LAMA2: variants seen among roughly 807,000 people sequenced by gnomAD.
LAMA2 encodes the protein laminin subunit alpha-2.
Under a neutral mutation model 364.8 loss-of-function variants are expected in LAMA2, and 269 were observed. That is an observed-to-expected ratio of 0.74 (90% CI 0.67 to 0.82). The LOEUF is 0.82. LAMA2 is among the 40% of genes least tolerant of loss of function. LAMA2 has a pLI of 0.00. For synonymous variants in LAMA2, 1,379 were observed against 1,370.6 expected (o/e 1.01, Z -0.14); for missense variants, 3,807 against 3,873.2 (o/e 0.98, Z 0.45).
chr6:129,481,550 A>G, intron 55 of LAMA2, 111 bp downstream of exon 55: 1 of 916,588 alleles, frequency 1.1e-6, no homozygotes. Context: ...CATCTTGGCT[A>G]GCAAGGACTG....
At chr6:129,456,029 A>G (rs1782945338) in intron 47 of LAMA2, among the ~76,000 whole-genome samples, 2 of 152,172 alleles carry the variant, frequency 1.3e-5, no homozygotes, top group East Asian at 1.9e-4. Flanking sequence ...CACTTAACCA[A>G]TAGCAATTCC....
intron 62 of LAMA2, among the ~76,000 whole-genome samples, chr6:129,510,718 G>A (rs1210220947): frequency 1.3e-5 from 2 of 151,980 alleles, no homozygotes; most frequent in Non-Finnish European, 2.9e-5. Flanking sequence ...ATCAGGAAAC[G>A]TTTCATGGAG....
chr6:129,110,894 A>G (rs1038147109), intron 4 of LAMA2, among the ~76,000 whole-genome samples: 16 of 150,366 alleles, frequency 1.1e-4, no homozygotes, highest in Non-Finnish European at 1.8e-4. Flanking sequence ...ACTCGGAAAA[A>G]CCCAAGGGTG....
At chr6:129,451,142 C>G (rs59883596) in intron 45 of LAMA2, among the ~76,000 whole-genome samples, 2,086 of 152,236 alleles carry the variant, frequency 0.014, 54 homozygotes, top group African/African-American at 0.048. Flanking sequence ...TTGCCAAGTC[C>G]CATTGCTCAT....
intron 2 of LAMA2, among the ~76,000 whole-genome samples, chr6:129,056,497 T>C (rs1582956427): frequency 2.0e-5 from 3 of 152,132 alleles, no homozygotes; most frequent in African/African-American, 7.2e-5. Context: ...AGCTGTTAAG[T>C]TGAATTAAAA....
intron 1 of LAMA2, among the ~76,000 whole-genome samples, chr6:128,994,509 C>G (rs934880877): frequency 6.6e-6 from 1 of 152,076 alleles, no homozygotes; most frequent in Non-Finnish European, 1.5e-5. Context: ...TTGTATTATC[C>G]TCATTAGATT....
chr6:129,360,838 G>A (rs1402599512), intron 32 of LAMA2, among the ~76,000 whole-genome samples: 1 of 152,128 alleles, frequency 6.6e-6, no homozygotes, highest in Non-Finnish European at 1.5e-5. Context: ...GTACACCGTA[G>A]CATATTACAG....
In LAMA2 at chr6:129,287,908, T is replaced by C; in HGVS notation, c.2599T>C (p.Cys867Arg). Residue 867 changes from cysteine to arginine, a missense_variant, in exon 19 of 65, where the codon TGC becomes CGC. Cys to Arg is a radical substitution (Grantham distance 180). This residue lies in a region of LAMA2 where 3,333 missense variants were observed against 3,345.7 expected (regional missense o/e 1.00). Transcript: ENST00000421865. The stretch of plus-strand genomic sequence containing the variant: ...TGGAGGATCATGTCAGCCATGCCAA[T>C]GCAATGACAACCTTGACTTCTCCAT... ...VPGGSCQPCQ[C>R]NDNLDFSIPG... 6.2e-7 allele frequency: 1 copy of C among 1,614,096 alleles called. No homozygotes were observed. Among genetic ancestry groups the C allele is most frequent in the Non-Finnish European group, 8.5e-7 (1 of 1,179,966 alleles).
At position 129,206,102 on chromosome 6, in the gene LAMA2, GAGGGAGGAAGGAAGGA is replaced by G. The variant is rs762000248; in HGVS notation, c.1782+13253_1782+13268del. Among the ~76,000 whole-genome samples the G allele has an allele frequency of 6.5e-3, 658 of 101,800 alleles. 6 individuals carry two copies. The highest frequency in any genetic ancestry group is 7.8e-3 in the Non-Finnish European group (418 of 53,522). The allele number at this position is 101,800 out of a possible 152,430, so 66.8% of individuals were successfully genotyped here. On this transcript the variant is annotated intron_variant, in intron 12 of 64. Transcript: ENST00000421865. ...GAAAGGAGGAAGGAAGGGAGGGAGG[GAGGGAGGAAGGAAGGA>G]AGGAAGGAAGGAAGGAAGGAAGGAA...
chr6:129,283,955 G>T (rs1255602385), intron 18 of LAMA2, among the ~76,000 whole-genome samples: 3 of 152,060 alleles, frequency 2.0e-5, no homozygotes, highest in African/African-American at 7.2e-5. Flanking sequence ...CTCATATGTG[G>T]TTGTGCAGTT....
At chr6:128,959,075 G>C (rs1035834795) in intron 1 of LAMA2, among the ~76,000 whole-genome samples, 1 of 152,118 alleles carries the variant, frequency 6.6e-6, no homozygotes, top group Non-Finnish European at 1.5e-5. Flanking sequence ...GGTGCACTGT[G>C]TCTCTCTTTT....
intron 37 of LAMA2, among the ~76,000 whole-genome samples, chr6:129,399,348 G>T (rs925107071): frequency 6.6e-6 from 1 of 152,176 alleles, no homozygotes; most frequent in Non-Finnish European, 1.5e-5. Flanking sequence ...ATCATGTGGG[G>T]TTCTTGTTAA....
At chr6:129,087,411 A>C (rs1774446743) in intron 3 of LAMA2, among the ~76,000 whole-genome samples, 1 of 152,190 alleles carries the variant, frequency 6.6e-6, no homozygotes, top group Non-Finnish European at 1.5e-5. Flanking sequence ...GAACCACAGC[A>C]GGGGCGCACA....
intron 36 of LAMA2, 38 bp downstream of exon 36, chr6:129,391,691 T>C (rs1276388160): frequency 1.3e-6 from 2 of 1,564,160 alleles, no homozygotes; most frequent in African/African-American, 1.4e-5. Context: ...TTTGACAAAC[T>C]GAGATTTCCA....
At chr6:129,472,210 T>A (rs1040982789) in intron 51 of LAMA2, among the ~76,000 whole-genome samples, 1 of 151,924 alleles carries the variant, frequency 6.6e-6, no homozygotes, top group Non-Finnish European at 1.5e-5. Context: ...GAAACTAGCA[T>A]CCTAAAGAAT....
At position 129,177,779 on chromosome 6, in the gene LAMA2, C is replaced by T. The variant is rs1436449955; in HGVS notation, c.1380C>T (p.Tyr460=). 1.9e-6 allele frequency: 3 copies of T among 1,613,994 alleles called. No individual in the cohort carries two copies. Among genetic ancestry groups the T allele is most frequent in the Non-Finnish European group, 1.7e-6 (2 of 1,179,944 alleles). The change falls in exon 10 of 65, where the codon TAC becomes TAT. Residue 460 remains tyrosine (Y), a synonymous_variant. Coordinates refer to ENST00000421865, the MANE Select transcript of LAMA2 (RefSeq NM_000426.4). Reference sequence around the variant, plus strand: ...GCTGTGATCGGTGTGCCAGGGGCTACACTGGCTACCCGGACTGCAAAGCCT... The same window carrying T: ...GCTGTGATCGGTGTGCCAGGGGCTATACTGGCTACCCGGACTGCAAAGCCT... ...GVSCDRCARG[Y]TGYPDCKACN... is the part of the protein sequence containing the mutation.
At chr6:128,978,349 C>CTTTT (rs1236313304) in intron 1 of LAMA2, among the ~76,000 whole-genome samples, 8 of 147,940 alleles carry the variant, frequency 5.4e-5, no homozygotes, top group African/African-American at 1.5e-4. Flanking sequence ...TTCTTTCTTT[C>CTTTT]TTTTTTTTTT....
At chr6:129,301,172 G>T (rs1015629469) in intron 22 of LAMA2, among the ~76,000 whole-genome samples, 2 of 152,102 alleles carry the variant, frequency 1.3e-5, no homozygotes, top group Non-Finnish European at 2.9e-5. Flanking sequence ...GGACATACAT[G>T]TGCAAAGTAT....
At chr6:129,437,378 T>TAAATGCGTGTAAC (rs1781883211) in intron 41 of LAMA2, among the ~76,000 whole-genome samples, 1 of 152,036 alleles carries the variant, frequency 6.6e-6, no homozygotes, top group Non-Finnish European at 1.5e-5. Context: ...TGAAGAACAC[T>TAAATGCGTGTAAC]AAATGCGTGT....
Sources: gnomAD v4.1 joint callset for allele counts (sites outside exome capture counted in the v4.1 genomes callset) on GRCh38, gnomAD v4.1.1 for gene constraint, gnomAD v4.1.1 regional missense constraint, MANE v1.5 for transcripts, NCBI Gene and HGNC (gene_info 2026-07-23, HGNC 2026-07-21) for gene names.